Variants in ARHGEF12 observed in about 807,000 individuals in gnomAD.
ARHGEF12 encodes Rho guanine nucleotide exchange factor 12, also known as KMT2A/ARHGEF12 fusion protein.
Under a neutral mutation model 211.2 loss-of-function variants are expected in ARHGEF12, and 66 were observed. The observed-to-expected ratio is 0.31, with a 90% confidence interval of 0.26 to 0.38. The LOEUF is 0.38. Ranked by LOEUF, ARHGEF12 falls within the 10% of genes least tolerant of loss-of-function variation. ARHGEF12 has a pLI of 1.00. For missense variants in ARHGEF12, 1,429 were observed against 1,869.5 expected, an observed-to-expected ratio of 0.76 and a Z score of 4.34; for synonymous variants, 592 against 638.4, an observed-to-expected ratio of 0.93 and a Z score of 1.09.
In ARHGEF12 at chr11:120,478,360, A is replaced by T. The variant is rs765891726; in HGVS notation, c.3737A>T (p.Glu1246Val). The T allele has an allele frequency of 2.5e-6, 4 of 1,614,126 alleles. No homozygotes were observed. The African/African-American group carries it at 4.0e-5, about 16-fold the overall frequency. The change falls in exon 37 of 41, where the codon GAA (glutamate) becomes GTA (valine). Residue 1246 changes from glutamate to valine, a missense_variant. Physicochemically the swap from Glu to Val is moderately radical, Grantham distance 121. Around this residue, in one of 7 missense-constraint regions of ARHGEF12, gnomAD observed 467 missense variants for 468.4 expected, o/e 1.00. Transcript: ENST00000397843. The part of the protein sequence containing the change: ...IPDSHLPVSE[E>V]RWALDALRNL... The stretch of plus-strand genomic sequence containing the variant: ...GATTCACACCTGCCTGTCTCAGAAG[A>T]ACGGTGGGCATTGGATGCACTAAGA...
chr11:120,483,010 CAT>C (rs1182777268), intron 39 of ARHGEF12, among the ~76,000 whole-genome samples: 11 of 152,134 alleles, frequency 7.2e-5, no homozygotes, highest in African/African-American at 2.4e-4. Context: ...TATATACAGT[CAT>C]GTGTTGCTTA....
At position 120,459,283 on chromosome 11, in the gene ARHGEF12, A is replaced by G; in HGVS notation, c.2490A>G (p.Lys830=). ...EGILSPSELR[K]IFSNLEDILQ... ...TTCTGTCACCCTCAGAGCTACGGAA[A>G]ATTTTTTCAAACTTGGAAGATATTC... Residue 830 remains lysine (K), a synonymous_variant, in exon 26 of 41, where the codon AAA becomes AAG. Transcript: ENST00000397843. 6.2e-7 allele frequency: 1 copy of G among 1,613,482 alleles called. No homozygotes were observed. The highest frequency in any genetic ancestry group is 8.5e-7 in the Non-Finnish European group (1 of 1,179,694).
chr11:120,341,949 A>G (rs1942549792), intron 1 of ARHGEF12, among the ~76,000 whole-genome samples: 1 of 152,228 alleles, frequency 6.6e-6, no homozygotes, highest in African/African-American at 2.4e-5. Context: ...TGGTAGTATA[A>G]TTCTTTAACA....
At chr11:120,380,207 A>G (rs1409906443) in intron 1 of ARHGEF12, among the ~76,000 whole-genome samples, 3 of 152,178 alleles carry the variant, frequency 2.0e-5, no homozygotes, top group South Asian at 2.1e-4. Context: ...GAAAAGTTGC[A>G]TAAATAACAC....
rs751001694 is a variant in ARHGEF12 at position 120,449,206 on chromosome 11, A to G, written c.1835A>G (p.Asn612Ser). ...CCACGGAGACCAAGCCGTCATGACA[A>G]CAGTGCAAGTATGTTGAAGTTTGAA... is the stretch of plus-strand genomic sequence containing the variant. Reference protein sequence around the residue: ...GPPRRPSRHDNSAIGRAMELQ... With the variant: ...GPPRRPSRHDSSAIGRAMELQ... Residue 612 changes from asparagine (N) to serine (S), a missense_variant, in exon 21 of 41, where the codon AAC becomes AGC. By Grantham distance (46) the Asn-to-Ser change is conservative. Around this residue, in one of 7 missense-constraint regions of ARHGEF12, gnomAD observed 373 missense variants for 467.5 expected, o/e 0.80. Coordinates refer to ENST00000397843, the MANE Select transcript of ARHGEF12 (RefSeq NM_015313.3). 1.4e-5 allele frequency: 23 copies of G among 1,613,856 alleles called. No homozygotes were observed. Among genetic ancestry groups the G allele is most frequent in the African/African-American group, 2.7e-5 (2 of 74,916 alleles).
chr11:120,344,442 T>C (rs890623471), intron 1 of ARHGEF12, among the ~76,000 whole-genome samples: 2 of 152,102 alleles, frequency 1.3e-5, no homozygotes, highest in African/African-American at 4.8e-5. Context: ...AGACATACCC[T>C]TCCATAGATT....
Position 120,446,987 on chromosome 11 carries a change from G to T in ARHGEF12, c.1491G>T (p.Glu497Asp). The change falls in exon 18 of 41, where the codon GAG becomes GAT. Residue 497 changes from glutamate to aspartate, a missense_variant. Physicochemically the swap from Glu to Asp is conservative, Grantham distance 45. Around this residue, in one of 7 missense-constraint regions of ARHGEF12, gnomAD observed 373 missense variants for 467.5 expected, o/e 0.80. Transcript: ENST00000397843. Reference protein sequence around the residue: ...RSMGLTLAESELTKLDAERDK... With the variant: ...RSMGLTLAESDLTKLDAERDK... ...TGGGACTGACCTTGGCTGAAAGCGA[G>T]CTGACTAAACTTGATGCAGAGCGAG... 6.2e-7 allele frequency: 1 copy of T among 1,614,204 alleles called. No individual in the cohort carries two copies. Among genetic ancestry groups the T allele is most frequent in the African/African-American group, 1.3e-5 (1 of 75,058 alleles).
chr11:120,373,968 C>T (rs374793076), intron 1 of ARHGEF12, among the ~76,000 whole-genome samples: 14 of 152,060 alleles, frequency 9.2e-5, no homozygotes, highest in African/African-American at 1.9e-4. Flanking sequence ...CCACCACGCC[C>T]GGCTAATTTT....
chr11:120,478,420 C>G, intron 37 of ARHGEF12, 31 bp downstream of exon 37: 3 of 1,574,280 alleles, frequency 1.9e-6, no homozygotes, highest in Non-Finnish European at 2.6e-6. Flanking sequence ...ATTACAGATA[C>G]TTACTAAGTA....
intron 1 of ARHGEF12, among the ~76,000 whole-genome samples, chr11:120,395,409 T>C (rs1243009908): frequency 3.9e-5 from 6 of 152,088 alleles, no homozygotes; most frequent in Non-Finnish European, 8.8e-5. Flanking sequence ...ATGAACCTGA[T>C]GGAATTAGAT....
At position 120,449,172 on chromosome 11, in the gene ARHGEF12, C is replaced by T. The variant is rs776524889; in HGVS notation, c.1801C>T (p.Leu601=). The T allele has an allele frequency of 2.5e-6, 4 of 1,614,012 alleles. No homozygotes were observed. The African/African-American group carries it at 5.3e-5, about 22-fold the overall frequency. The change falls in exon 21 of 41, where the codon CTG becomes TTG. Residue 601 remains leucine, a synonymous_variant. Transcript: ENST00000397843. ...KGKRRGFPSI[L]GPPRRPSRHD... is the part of the protein sequence containing the mutation. ...GAAGCGAAGAGGATTCCCCAGCATC[C>T]TGGGACCCCCACGGAGACCAAGCCG...
chr11:120,421,797 A>G lies in ARHGEF12; in HGVS notation c.299-6A>G, dbSNP rs1407387472. On this transcript the variant is annotated splice_region_variant and splice_polypyrimidine_tract_variant and intron_variant, in intron 5 of 40. Transcript: ENST00000397843. ...TCACATTTTAAGCAATTAATTTCTC[A>G]TACAGATGGAGCAGCCATGCGGGCT... is the stretch of plus-strand genomic sequence containing the variant. The G allele has an allele frequency of 6.2e-7, 1 of 1,608,914 alleles. No individual in the cohort carries two copies. Among genetic ancestry groups the G allele is most frequent in the Non-Finnish European group, 8.5e-7 (1 of 1,177,118 alleles).
intron 11 of ARHGEF12, among the ~76,000 whole-genome samples, chr11:120,436,693 A>G (rs1021562268): frequency 6.6e-6 from 1 of 152,216 alleles, no homozygotes; most frequent in African/African-American, 2.4e-5. Context: ...TACAGCATTT[A>G]TGCTGTATTA....
chr11:120,457,122 A>G lies in ARHGEF12; in HGVS notation c.2061A>G (p.Ser687=). 6.2e-7 allele frequency: 1 copy of G among 1,613,774 alleles called. No homozygotes were observed. The highest frequency in any genetic ancestry group is 8.5e-7 in the Non-Finnish European group (1 of 1,179,874). ...ATGTCTGACTTTTGTCTACAGGATC[A>G]AAGCAAGTTGGAGAAACATCAGCAC... is the stretch of plus-strand genomic sequence containing the variant. ...QEGGKENDTG[S]KQVGETSAPG... Residue 687 remains serine, a synonymous_variant, in exon 23 of 41, where the codon TCA becomes TCG. Coordinates refer to ENST00000397843, the MANE Select transcript of ARHGEF12 (RefSeq NM_015313.3).
intron 1 of ARHGEF12, among the ~76,000 whole-genome samples, chr11:120,356,935 A>G (rs1413386347): frequency 6.6e-6 from 1 of 152,184 alleles, no homozygotes; most frequent in East Asian, 1.9e-4. Context: ...GTGAAGAAAG[A>G]GAAAGTTTAA....
chr11:120,370,820 A>C (rs1169599836), intron 1 of ARHGEF12, among the ~76,000 whole-genome samples: 1 of 150,706 alleles, frequency 6.6e-6, no homozygotes, highest in Non-Finnish European at 1.5e-5. Context: ...CCCCCATTCC[A>C]ACCTCCTTTC....
chr11:120,364,259 T>C (rs1395420339), intron 1 of ARHGEF12, among the ~76,000 whole-genome samples: 1 of 152,216 alleles, frequency 6.6e-6, no homozygotes, highest in Non-Finnish European at 1.5e-5. Flanking sequence ...GCCCATCCCA[T>C]GCTGTGCTGG....
rs535243241 is a variant in ARHGEF12, at chr11:120,401,503, T to C, written c.33-4615T>C. Reference sequence around the variant, plus strand: ...TCAGTTTCAAATTTTAAGTACCATGTTTTAAGCCATTCTAATTGTTTTGTA... The same window carrying C: ...TCAGTTTCAAATTTTAAGTACCATGCTTTAAGCCATTCTAATTGTTTTGTA... On this transcript the variant is annotated intron_variant, in intron 1 of 40. Transcript: ENST00000397843. Among the ~76,000 whole-genome samples, 16 of 152,356 alleles carry C rather than the reference T, an allele frequency of 1.1e-4. No homozygotes were observed. In the South Asian group the frequency reaches 3.3e-3, roughly 32 times the overall value.
chr11:120,477,055 T>G, intron 34 of ARHGEF12, 164 bp from the exon 35 acceptor site: 1 of 651,650 alleles, frequency 1.5e-6, no homozygotes, highest in Non-Finnish European at 2.6e-6. Flanking sequence ...GTTGCCAAAA[T>G]AAAGATATTC....
Sources: gnomAD v4.1 joint callset for allele counts (sites outside exome capture counted in the v4.1 genomes callset) on GRCh38, gnomAD v4.1.1 for gene constraint, gnomAD v4.1.1 regional missense constraint, MANE v1.5 for transcripts, NCBI Gene and HGNC (gene_info 2026-07-23, HGNC 2026-07-21) for gene names.